Variants in GPHN observed in about 807,000 individuals in gnomAD.
GPHN encodes the protein gephyrin.
GPHN carries 17 observed loss-of-function variants against 95.5 expected under a neutral mutation model. The ratio of observed to expected loss-of-function variants is 0.18; its 90% CI spans 0.12 to 0.27. The LOEUF is 0.27. Among genes scored for constraint, GPHN ranks in the 10% least tolerant of loss-of-function variants. GPHN has a pLI of 1.00. For synonymous variants in GPHN, 320 were observed against 322.5 expected (o/e 0.99, Z 0.08); for missense variants, 660 against 978.1 (o/e 0.67, Z 4.34).
At chr14:66,797,972 G>A (rs2060217315) in intron 3 of GPHN, among the ~76,000 whole-genome samples, 1 of 151,790 alleles carries the variant, frequency 6.6e-6, no homozygotes, top group Non-Finnish European at 1.5e-5. Flanking sequence ...GTCATGCATG[G>A]TTTTTATTAT....
the GPHN span, among the ~76,000 whole-genome samples, chr14:67,645,015 ATT>A: frequency 6.6e-6 from 1 of 150,782 alleles, no homozygotes; most frequent in African/African-American, 2.5e-5. Flanking sequence ...AAAAAAAAAA[ATT>A]GAATGCCATG....
chr14:67,559,832 A>G, the GPHN span: 3 of 628,834 alleles, frequency 4.8e-6, no homozygotes, highest in Non-Finnish European at 8.8e-6. Context: ...TTCAGCCTCC[A>G]TGCTGAGACA....
intron 17 of GPHN, 69 bp from the exon 18 acceptor site, chr14:67,143,293 T>C: frequency 1.1e-6 from 1 of 950,690 alleles, no homozygotes; most frequent in South Asian, 1.3e-5. Context: ...GGCGATGTAG[T>C]TTTAAGTTGG....
intron 2 of GPHN, among the ~76,000 whole-genome samples, chr14:66,697,436 A>G (rs906129317): frequency 1.3e-5 from 2 of 152,312 alleles, no homozygotes; most frequent in Admixed American, 6.5e-5. Context: ...TAATTGTTGT[A>G]TATAAGAATG....
At chr14:67,328,095 A>G in the GPHN span, among the ~76,000 whole-genome samples, 2 of 152,210 alleles carry the variant, frequency 1.3e-5, no homozygotes, top group Non-Finnish European at 2.9e-5. Flanking sequence ...TTACGGTCCC[A>G]CCAACAGTGT....
chr14:66,974,805 T>G (rs963038792), intron 9 of GPHN, among the ~76,000 whole-genome samples: 8 of 152,190 alleles, frequency 5.3e-5, no homozygotes, highest in Non-Finnish European at 1.0e-4. Context: ...AAGGCAGTGA[T>G]TAAGAGCTCA....
chr14:67,130,953 T>C (rs908296056), intron 17 of GPHN, among the ~76,000 whole-genome samples: 2 of 152,210 alleles, frequency 1.3e-5, no homozygotes, highest in African/African-American at 4.8e-5. Context: ...TTGCCCATTT[T>C]CTAAGGGATC....
intron 12 of GPHN, 42 bp downstream of exon 12, chr14:67,089,117 TTTTTTTTCTTTTTTTC>T (rs750519899): frequency 1.2e-4 from 86 of 733,380 alleles, no homozygotes; most frequent in Admixed American, 4.6e-4. Flanking sequence ...GGCACTGTAT[TTTTTTTTCTTTTTTTC>T]TTTTTTTTTT....
intron 1 of GPHN, among the ~76,000 whole-genome samples, chr14:66,679,337 GAT>G (rs1335831416): frequency 3.3e-5 from 5 of 152,170 alleles, no homozygotes; most frequent in Admixed American, 2.0e-4. Context: ...TTTTGAAAGT[GAT>G]ATGTCTTTTT....
In GPHN at chr14:66,553,550, C is replaced by T. The variant is rs75753125; in HGVS notation, c.64+44959C>T. On this transcript the variant is annotated intron_variant, in intron 1 of 22. Coordinates refer to ENST00000478722, the MANE Select transcript of GPHN (RefSeq NM_020806.5). ...CTGCCAACGTCAATATACTGTTAATCCTCTCCAATAATATTTTAATTTTAA... is the reference window on the plus strand; with the variant it reads ...CTGCCAACGTCAATATACTGTTAATTCTCTCCAATAATATTTTAATTTTAA... 0.042 allele frequency among the ~76,000 whole-genome samples: 6,457 copies of T among 152,108 alleles called. 842 individuals are homozygous for T. In the East Asian group the frequency reaches 0.43, roughly 10 times the overall value.
intron 2 of GPHN, among the ~76,000 whole-genome samples, chr14:66,725,497 G>GT (rs2071146442): frequency 6.6e-6 from 1 of 152,084 alleles, no homozygotes; most frequent in African/African-American, 2.4e-5. Flanking sequence ...TGTTTTGTTT[G>GT]TTTTTTGACA....
At chr14:67,403,651 G>C in the GPHN span, among the ~76,000 whole-genome samples, 1 of 152,236 alleles carries the variant, frequency 6.6e-6, no homozygotes, top group Non-Finnish European at 1.5e-5. Context: ...GATGACAAAA[G>C]ATGTACTACG....
At chr14:67,332,326 T>A in the GPHN span, among the ~76,000 whole-genome samples, 1 of 152,182 alleles carries the variant, frequency 6.6e-6, no homozygotes, top group African/African-American at 2.4e-5. Context: ...CTGCAGCAGA[T>A]AGTATAGGGC....
At chr14:67,095,966 C>CAAAAAAAAAAAAAAAAAAAAAAAAT in intron 12 of GPHN, among the ~76,000 whole-genome samples, 1 of 67,086 alleles carries the variant, frequency 1.5e-5, no homozygotes, top group African/African-American at 4.4e-5. Flanking sequence ...AAGAAAAAGG[C>CAAAAAAAAAAAAAAAAAAAAAAAAT]AAAAAAAAAA....
At chr14:66,519,407 T>G (rs138716914) in intron 1 of GPHN, among the ~76,000 whole-genome samples, 524 of 152,248 alleles carry the variant, frequency 3.4e-3, no homozygotes, top group African/African-American at 0.012. Flanking sequence ...TGCAAATTGA[T>G]GGACCACTGG....
chr14:67,394,655 T>G, the GPHN span, among the ~76,000 whole-genome samples: 9 of 152,182 alleles, frequency 5.9e-5, no homozygotes, highest in Admixed American at 3.9e-4. Flanking sequence ...GTGTTAACAG[T>G]TCTTTTGCCT....
At chr14:67,343,364 A>C in the GPHN span, 1 of 1,607,564 alleles carries the variant, frequency 6.2e-7, no homozygotes, top group East Asian at 2.2e-5. Context: ...ACAGTACCTA[A>C]TACTCACCAT....
chr14:66,620,478 T>C (rs117729395), intron 1 of GPHN, among the ~76,000 whole-genome samples: 1,841 of 151,896 alleles, frequency 0.012, 23 homozygotes, highest in Non-Finnish European at 0.018. Context: ...GTAGAAAAAC[T>C]CCCATTTTTA....
chr14:67,299,523 T>C, the GPHN span, among the ~76,000 whole-genome samples: 54 of 152,120 alleles, frequency 3.5e-4, no homozygotes, highest in Non-Finnish European at 6.8e-4. Context: ...CAAGGAAAAG[T>C]GGTATAGCTA....
Sources: allele counts gnomAD v4.1 joint callset (sites outside exome capture counted in the v4.1 genomes callset), GRCh38; gene constraint gnomAD v4.1.1; transcripts MANE v1.5; gene names NCBI Gene and HGNC (gene_info 2026-07-23, HGNC 2026-07-21).